AKT1: variants seen among roughly 807,000 people sequenced by gnomAD.
AKT1 encodes the protein AKT serine/threonine kinase 1.
In AKT1, 21 loss-of-function variants were observed where a neutral mutation model predicts 63.1. The ratio of observed to expected loss-of-function variants is 0.33; its 90% CI spans 0.24 to 0.48. The LOEUF (loss-of-function observed/expected upper bound fraction) is 0.48, where lower values mean the gene tolerates loss of function less well. AKT1 is among the 20% of genes least tolerant of loss of function. AKT1 has a pLI of 0.99. For synonymous variants in AKT1, 257 were observed against 253.1 expected (o/e 1.02, Z -0.15); for missense variants, 382 against 666.0 (o/e 0.57, Z 4.69).
chr14:104,780,337 C>A, intron 3 of AKT1, 121 bp from the exon 4 acceptor site: 2 of 1,391,596 alleles, frequency 1.4e-6, no homozygotes, highest in South Asian at 2.8e-5. Flanking sequence ...TCCCAGGGGG[C>A]AGGCGCGGTA....
intron 13 of AKT1, chr14:104,772,017 A>G: frequency 2.2e-6 from 1 of 451,100 alleles, no homozygotes; most frequent in South Asian, 2.7e-5. Flanking sequence ...CCCCTGGTCC[A>G]CCACCAGCCA....
chr14:104,782,118 C>T (rs1294022419), intron 3 of AKT1, among the ~76,000 whole-genome samples: 2 of 151,970 alleles, frequency 1.3e-5, no homozygotes, highest in African/African-American at 4.8e-5. Context: ...GCAGGTGCAG[C>T]GGGCAGGCAG....
intron 13 of AKT1, 142 bp downstream of exon 13, chr14:104,772,223 G>T: frequency 1.1e-6 from 1 of 904,106 alleles, no homozygotes; most frequent in Non-Finnish European, 1.8e-6. Flanking sequence ...GGTGCAGCAA[G>T]GCCCTCCTTG....
At chr14:104,787,362 C>G (rs1287828119) in intron 3 of AKT1, among the ~76,000 whole-genome samples, 1 of 152,072 alleles carries the variant, frequency 6.6e-6, no homozygotes, top group Non-Finnish European at 1.5e-5. Flanking sequence ...GGAACCTTCT[C>G]CTGAGGCCAT....
At chr14:104,774,046 C>A (rs950985277) in intron 8 of AKT1, 66 bp from the exon 9 acceptor site, 12 of 1,460,758 alleles carry the variant, frequency 8.2e-6, no homozygotes, top group Non-Finnish European at 1.1e-5. Flanking sequence ...CCACGCTGCC[C>A]GACACCACGC....
chr14:104,772,844 G>A lies in AKT1; in HGVS notation c.1172+34C>T, dbSNP rs778954967. On this transcript the variant is annotated intron_variant, in intron 12 of 14. Coordinates refer to ENST00000649815, the MANE Select transcript of AKT1 (RefSeq NM_001382430.1). Reference sequence around the variant, plus strand: ...TGCAGCCTGGGGATGAGGGGATGGAGGTGTAGCCTGTAGCTGGGATGGGCG... The same window carrying A: ...TGCAGCCTGGGGATGAGGGGATGGAAGTGTAGCCTGTAGCTGGGATGGGCG... The A allele has an allele frequency of 2.7e-5, 43 of 1,583,942 alleles. No homozygotes were observed. In the South Asian group the frequency reaches 4.0e-4, roughly 15 times the overall value.
intron 3 of AKT1, among the ~76,000 whole-genome samples, chr14:104,792,328 C>T (rs1893668740): frequency 6.6e-6 from 1 of 152,204 alleles, no homozygotes; most frequent in South Asian, 2.1e-4. Flanking sequence ...AGGAGAGAGG[C>T]TGGCAGCAGC....
Position 104,795,010 on chromosome 14 carries a change from C to T in AKT1, c.-258+474G>A, listed in dbSNP as rs1566828002. 1 of 152,256 alleles carries T rather than the reference C, an allele frequency of 6.6e-6. No homozygotes were observed. The highest frequency in any genetic ancestry group is 6.5e-5 in the Admixed American group (1 of 15,290). 9.4% of individuals were successfully genotyped at this position (152,256 alleles called of 1,614,324 possible). ...AGCCTGGGTACCCCGCCACCACGTACAACTTTTCGTCCGTGGGAAACGAAG... is the reference window on the plus strand; with the variant it reads ...AGCCTGGGTACCCCGCCACCACGTATAACTTTTCGTCCGTGGGAAACGAAG... On this transcript the variant is annotated intron_variant, in intron 1 of 14. Transcript: ENST00000649815. The surrounding 1 kb of genome is among the most constrained non-coding windows in gnomAD (Gnocchi z 5.1).
At chr14:104,775,986 C>T (rs955565073) in intron 5 of AKT1, 187 bp from the exon 6 acceptor site, 63 of 645,784 alleles carry the variant, frequency 9.8e-5, no homozygotes, top group African/African-American at 6.3e-4. Flanking sequence ...CCCTCTTGGA[C>T]GTGGGGGACA....
rs150399268 is a variant in AKT1, at chr14:104,772,943, C to G, written c.1107G>C (p.Pro369=). 1.2e-6 allele frequency: 2 copies of G among 1,614,008 alleles called. No individual in the cohort carries two copies. Among genetic ancestry groups the G allele is most frequent in the Non-Finnish European group, 1.7e-6 (2 of 1,180,008 alleles). The change falls in exon 12 of 15, where the codon CCG becomes CCC. Residue 369 remains proline, a synonymous_variant. Coordinates refer to ENST00000649815, the MANE Select transcript of AKT1 (RefSeq NM_001382430.1). Reference sequence around the variant, plus strand: ...ACTTGGCCTCGGGACCAAGCGTGCGCGGGAAGCGGATCTCCTCCATGAGGA... The same window carrying G: ...ACTTGGCCTCGGGACCAAGCGTGCGGGGGAAGCGGATCTCCTCCATGAGGA... ...ELILMEEIRF[P]RTLGPEAKSL...
At chr14:104,771,045 A>C (rs997371288) in intron 13 of AKT1, 198 bp from the exon 14 acceptor site, 2 of 587,992 alleles carry the variant, frequency 3.4e-6, no homozygotes, top group Middle Eastern at 4.5e-4. Context: ...AGGAGCACGG[A>C]GACAACCCTC....
intron 3 of AKT1, among the ~76,000 whole-genome samples, chr14:104,792,298 C>G (rs764615685): frequency 1.3e-5 from 2 of 152,196 alleles, no homozygotes; most frequent in Non-Finnish European, 2.9e-5. Flanking sequence ...CCAGTGTCCT[C>G]GCTGCCTTCC....
rs368920620 is a variant in AKT1, at chr14:104,770,294, G to A, written c.*47C>T. On this transcript the variant is annotated 3_prime_UTR_variant, in exon 15 of 15. Transcript: ENST00000649815. Reference sequence around the variant, plus strand: ...TAAATACAGATCATGGCACGAGGCCGCCTCTCCATCCCTCCAAGCTATCGT... The same window carrying A: ...TAAATACAGATCATGGCACGAGGCCACCTCTCCATCCCTCCAAGCTATCGT... 7.8e-4 allele frequency: 1,218 copies of A among 1,564,318 alleles called. No homozygotes were observed. The highest frequency in any genetic ancestry group is 1.0e-3 in the Non-Finnish European group (1,152 of 1,152,190).
In AKT1 at chr14:104,774,170, C is replaced by T. The variant is rs1156406985; in HGVS notation, c.634-190G>A. The T allele has an allele frequency of 2.5e-5, 14 of 564,414 alleles. No homozygotes were observed. The African/African-American group carries it at 3.7e-4, about 15-fold the overall frequency. The allele number at this position is 564,414 out of a possible 1,614,324, so 35.0% of individuals were successfully genotyped here. A position where few individuals can be genotyped will look rare whatever the true frequency, so the allele number is the denominator to read the frequency against. ...ATACCACACTGCCCCACACCACACA[C>T]CCCATCACACTGCCCCACACCATAC... On this transcript the variant is annotated intron_variant, in intron 8 of 14. Transcript: ENST00000649815.
chr14:104,782,803 T>G (rs1194772903), intron 3 of AKT1, among the ~76,000 whole-genome samples: 1 of 152,064 alleles, frequency 6.6e-6, no homozygotes, highest in African/African-American at 2.4e-5. Context: ...AGGAGCAGGA[T>G]CCCCAGGGAC....
At chr14:104,775,978 C>G in intron 5 of AKT1, 179 bp from the exon 6 acceptor site, 1 of 691,518 alleles carries the variant, frequency 1.4e-6, no homozygotes, top group Non-Finnish European at 2.3e-6. Flanking sequence ...TCACGAAGCC[C>G]TCTTGGACGT....
rs1595237565 is a variant in AKT1 at position 104,769,768 on chromosome 14, C to G, written c.*573G>C. 2.6e-6 allele frequency: 1 copy of G among 388,080 alleles called. No homozygotes were observed. The highest frequency in any genetic ancestry group is 4.8e-6 in the Non-Finnish European group (1 of 206,348). 24.0% of individuals were successfully genotyped at this position (388,080 alleles called of 1,614,324 possible). A position where few individuals can be genotyped will look rare whatever the true frequency, so the allele number is the denominator to read the frequency against. On this transcript the variant is annotated 3_prime_UTR_variant, in exon 15 of 15. Transcript: ENST00000649815. ...ACTGGGTAAACCCTGGCCCATCCCC[C>G]ATCCCTGGTCCCATCCCAGGGGCCC...
chr14:104,781,357 T>A (rs970070851), intron 3 of AKT1, among the ~76,000 whole-genome samples: 2 of 151,954 alleles, frequency 1.3e-5, no homozygotes, highest in Admixed American at 6.5e-5. Flanking sequence ...CAAGCAATTG[T>A]CCCATCACCA....
intron 3 of AKT1, among the ~76,000 whole-genome samples, chr14:104,790,516 C>T (rs1302524591): frequency 6.6e-6 from 1 of 152,196 alleles, no homozygotes; most frequent in Admixed American, 6.5e-5. Context: ...ACACAGGGGA[C>T]CCCAGGGACG....
Sources: allele counts gnomAD v4.1 joint callset (sites outside exome capture counted in the v4.1 genomes callset), GRCh38; gene constraint gnomAD v4.1.1; non-coding constraint Gnocchi (gnomAD v3.1); transcripts MANE v1.5; gene names NCBI Gene and HGNC (gene_info 2026-07-23, HGNC 2026-07-21).